ELSPBP1: variants seen among roughly 807,000 people sequenced by gnomAD.
ELSPBP1 encodes epididymal sperm binding protein 1, also known as epididymal sperm-binding protein 1.
In ELSPBP1, 38 loss-of-function variants were observed where a neutral mutation model predicts 33.3. The ratio of observed to expected loss-of-function variants is 1.14; its 90% CI spans 0.88 to 1.50. The LOEUF is 1.50. Among genes scored for constraint, ELSPBP1 ranks in the 40% most tolerant of loss-of-function variants. The probability of loss-of-function intolerance (pLI) is 0.00; values close to 1 mark genes in which losing one functional copy is unlikely to be tolerated. For missense variants in ELSPBP1, 267 were observed against 263.5 expected, an observed-to-expected ratio of 1.01 and a Z score of -0.09; for synonymous variants, 85 against 94.1, an observed-to-expected ratio of 0.90 and a Z score of 0.56.
intron 5 of ELSPBP1, among the ~76,000 whole-genome samples, chr19:48,021,015 T>A (rs1332676072): frequency 6.6e-6 from 1 of 152,166 alleles, no homozygotes; most frequent in East Asian, 1.9e-4. Flanking sequence ...TGAGACCCAT[T>A]TACCCTCTGT....
At chr19:48,018,088 C>T (rs1967162011) in intron 4 of ELSPBP1, among the ~76,000 whole-genome samples, 1 of 152,044 alleles carries the variant, frequency 6.6e-6, no homozygotes, top group Admixed American at 6.6e-5. Context: ...TTAGCTTTGG[C>T]TTCCCCATTA....
At chr19:47,997,304 C>T (rs759748302) in intron 1 of ELSPBP1, among the ~76,000 whole-genome samples, 14 of 152,202 alleles carry the variant, frequency 9.2e-5, no homozygotes, top group Non-Finnish European at 1.8e-4. Flanking sequence ...TATTGCTTTA[C>T]TCAGGGTGTT....
At chr19:48,019,232 G>C (rs1305165539) in intron 4 of ELSPBP1, among the ~76,000 whole-genome samples, 1 of 152,074 alleles carries the variant, frequency 6.6e-6, no homozygotes, top group Admixed American at 6.6e-5. Context: ...CGTCTAAGGT[G>C]GGTCTTTCAA....
At chr19:48,020,239 C>A (rs1568408514) in intron 5 of ELSPBP1, among the ~76,000 whole-genome samples, 1 of 152,058 alleles carries the variant, frequency 6.6e-6, no homozygotes, top group Non-Finnish European at 1.5e-5. Context: ...ATCACTTGAG[C>A]CTGGGAGGTT....
At chr19:48,020,871 T>G (rs1967192052) in intron 5 of ELSPBP1, among the ~76,000 whole-genome samples, 1 of 152,212 alleles carries the variant, frequency 6.6e-6, no homozygotes, top group East Asian at 1.9e-4. Flanking sequence ...GGAGTTATAT[T>G]TCTGCGCCAC....
intron 2 of ELSPBP1, among the ~76,000 whole-genome samples, chr19:48,012,983 C>A (rs1208261800): frequency 6.6e-6 from 1 of 152,136 alleles, no homozygotes; most frequent in Non-Finnish European, 1.5e-5. Context: ...TCCTGCTCCC[C>A]ACCCCCCTCT....
rs760996327 is a variant in ELSPBP1 at position 48,015,866 on chromosome 19, G to A, written c.209-27G>A. The A allele has an allele frequency of 3.8e-6, 6 of 1,586,516 alleles. No individual in the cohort carries two copies. The Admixed American group carries it at 8.4e-5, about 22-fold the overall frequency. On this transcript the variant is annotated intron_variant, in intron 3 of 6. Coordinates refer to ENST00000339841, the MANE Select transcript of ELSPBP1 (RefSeq NM_022142.5). ...CCTGTGAACGACTAGAGGAAGTTAAGACACTCACGAACTCTGTTCCTAACA... is the reference window on the plus strand; with the variant it reads ...CCTGTGAACGACTAGAGGAAGTTAAAACACTCACGAACTCTGTTCCTAACA...
In ELSPBP1 at chr19:48,012,646, G is replaced by T. The variant is rs991780217; in HGVS notation, c.71-1525G>T. ...TTTCTTGAGCAAATAATTATTCTAG[G>T]TTCTGTAGATACACTGCACAAAAAA... On this transcript the variant is annotated intron_variant, in intron 2 of 6. Coordinates refer to ENST00000339841, the MANE Select transcript of ELSPBP1 (RefSeq NM_022142.5). Among the ~76,000 whole-genome samples, 4 of 151,772 alleles carry T rather than the reference G, an allele frequency of 2.6e-5. No homozygotes were observed. In the East Asian group the frequency reaches 7.7e-4, roughly 29 times the overall value.
intron 3 of ELSPBP1, among the ~76,000 whole-genome samples, chr19:48,015,246 G>A (rs1967119273): frequency 6.6e-6 from 1 of 152,198 alleles, no homozygotes. Context: ...TGTTGAGGAG[G>A]AGGAGGAAGA....
At position 48,015,963 on chromosome 19, in the gene ELSPBP1, C is replaced by G. The variant is rs1568407104; in HGVS notation, c.279C>G (p.Ser93Arg). 1.2e-6 allele frequency: 2 copies of G among 1,614,064 alleles called. No homozygotes were observed. Among genetic ancestry groups the G allele is most frequent in the African/African-American group, 2.7e-5 (2 of 75,054 alleles). The change falls in exon 4 of 7, where the codon AGC becomes AGG. Residue 93 changes from serine (S) to arginine (R), a missense_variant. Physicochemically the swap from Ser to Arg is moderately radical, Grantham distance 110. Coordinates refer to ENST00000339841, the MANE Select transcript of ELSPBP1 (RefSeq NM_022142.5). ...ATAACAGCTGCATCTCCCAGGGCAG[C>G]TTCTTAGGCAGTCTGTGGTGCTCAG... ...KAYNSCISQG[S>R]FLGSLWCSVT...
chr19:48,002,159 G>A (rs1424109459), intron 1 of ELSPBP1, among the ~76,000 whole-genome samples: 11 of 152,236 alleles, frequency 7.2e-5, no homozygotes, highest in East Asian at 1.9e-4. Context: ...TCCACTGTGC[G>A]GATGAGGACT....
At chr19:48,001,193 A>G (rs1600100873) in intron 1 of ELSPBP1, among the ~76,000 whole-genome samples, 1 of 144,554 alleles carries the variant, frequency 6.9e-6, no homozygotes, top group South Asian at 2.2e-4. Context: ...TTTTTTTGAC[A>G]CAGAGTCTCG....
rs539541194 is a variant in ELSPBP1 at position 47,998,388 on chromosome 19, G to A, written c.-18+3577G>A. ...ATCGTGCCACTACACTCTAGCCTGAGTGACAGAGTGAGACTCCATCTCAAA... is the reference window on the plus strand; with the variant it reads ...ATCGTGCCACTACACTCTAGCCTGAATGACAGAGTGAGACTCCATCTCAAA... On this transcript the variant is annotated intron_variant, in intron 1 of 6. Coordinates refer to ENST00000339841, the MANE Select transcript of ELSPBP1 (RefSeq NM_022142.5). Among the ~76,000 whole-genome samples the A allele has an allele frequency of 6.2e-3, 940 of 151,964 alleles. 17 individuals carry two copies. Among genetic ancestry groups the A allele is most frequent in the African/African-American group, 0.021 (873 of 41,386 alleles).
chr19:48,000,673 T>TA (rs374986473), intron 1 of ELSPBP1, among the ~76,000 whole-genome samples: 11 of 152,214 alleles, frequency 7.2e-5, no homozygotes, highest in African/African-American at 2.6e-4. Flanking sequence ...CACAACCACT[T>TA]ACGTATTTCT....
In ELSPBP1 at chr19:48,015,551, G is replaced by A. The variant is rs573149372; in HGVS notation, c.209-342G>A. ...CAGGCATCTGTAATCCCAGCTACTCGGGAGGCTGAGGCAGGAGAATTGCTT... is the reference window on the plus strand; with the variant it reads ...CAGGCATCTGTAATCCCAGCTACTCAGGAGGCTGAGGCAGGAGAATTGCTT... On this transcript the variant is annotated intron_variant, in intron 3 of 6. Coordinates refer to ENST00000339841, the MANE Select transcript of ELSPBP1 (RefSeq NM_022142.5). Among the ~76,000 whole-genome samples the A allele has an allele frequency of 1.6e-3, 242 of 152,148 alleles. 2 individuals carry two copies. The highest frequency in any genetic ancestry group is 5.4e-3 in the African/African-American group (224 of 41,510).
intron 6 of ELSPBP1, among the ~76,000 whole-genome samples, chr19:48,023,349 GAAAGAAGGAAGGGAGGAAGGAAGA>G (rs1967224926): frequency 8.1e-6 from 1 of 123,622 alleles, no homozygotes; most frequent in Non-Finnish European, 1.7e-5. Flanking sequence ...AGGGAGGAAG[GAAAGAAGGAAGGGAGGAAGGAAGA>G]GAGGAAAGGA....
At chr19:47,997,640 C>T (rs530557392) in intron 1 of ELSPBP1, among the ~76,000 whole-genome samples, 7 of 152,162 alleles carry the variant, frequency 4.6e-5, no homozygotes, top group Non-Finnish European at 1.0e-4. Context: ...AGGCTGGTCT[C>T]AAATTCCTGG....
At chr19:48,016,191 C>A in intron 4 of ELSPBP1, 152 bp downstream of exon 4, 2 of 856,666 alleles carry the variant, frequency 2.3e-6, no homozygotes, top group Non-Finnish European at 3.6e-6. Context: ...TTCGCTATGA[C>A]AACGACAGAC....
chr19:48,007,706 T>A (rs924630665), intron 1 of ELSPBP1, among the ~76,000 whole-genome samples: 1 of 152,116 alleles, frequency 6.6e-6, no homozygotes. Context: ...TGAGTGTGAT[T>A]CATGGGGAGG....
Sources: allele counts gnomAD v4.1 joint callset (sites outside exome capture counted in the v4.1 genomes callset), GRCh38; gene constraint gnomAD v4.1.1; transcripts MANE v1.5; gene names NCBI Gene and HGNC (gene_info 2026-07-23, HGNC 2026-07-21).